Variants in RASSF5 observed in about 807,000 individuals in gnomAD.
The protein encoded by RASSF5 is Ras association domain family member 5.
In RASSF5, 25 loss-of-function variants were observed where a neutral mutation model predicts 40.5. The ratio of observed to expected loss-of-function variants is 0.62; its 90% confidence interval spans 0.45 to 0.86. The LOEUF is 0.86. Among genes scored for constraint, RASSF5 ranks in the 40% least tolerant of loss-of-function variants. The pLI is 0.00. For missense variants in RASSF5, 521 were observed against 572.8 expected (o/e 0.91, Z 0.92); for synonymous variants, 246 against 252.4 (o/e 0.97, Z 0.24).
At chr1:206,514,537 C>A (rs1318826781) in intron 1 of RASSF5, among the ~76,000 whole-genome samples, 1 of 152,206 alleles carries the variant, frequency 6.6e-6, no homozygotes, top group Non-Finnish European at 1.5e-5. Context: ...ACCTTCTGCT[C>A]CCCATTCCTG....
intron 2 of RASSF5, 57 bp from the exon 3 acceptor site, chr1:206,583,211 TC>T: frequency 1.7e-6 from 2 of 1,172,934 alleles, no homozygotes; most frequent in South Asian, 2.4e-5. Flanking sequence ...GCGTGGTTGT[TC>T]CCTTTCTCAC....
At chr1:206,514,212 T>C (rs1666692779) in intron 1 of RASSF5, among the ~76,000 whole-genome samples, 1 of 152,224 alleles carries the variant, frequency 6.6e-6, no homozygotes, top group African/African-American at 2.4e-5. Context: ...CCTCCTGGCA[T>C]CATAGCATGT....
At position 206,584,255 on chromosome 1, in the gene RASSF5, C is replaced by A. The variant is rs782815075; in HGVS notation, c.691-132C>A. On this transcript the variant is annotated intron_variant, in intron 3 of 5. Coordinates refer to ENST00000579436, the MANE Select transcript of RASSF5 (RefSeq NM_182663.4). The surrounding 1 kb of genome is among the most constrained non-coding windows in gnomAD (Gnocchi z 4.9). ...GGGATCTCTGCTCCTTCCTCCAGCT[C>A]TCCCACGTCAGCAGAGGCAGGAAAG... The A allele has an allele frequency of 5.9e-6, 5 of 843,838 alleles. No homozygotes were observed. The highest frequency in any genetic ancestry group is 9.1e-6 in the Non-Finnish European group (5 of 549,302). 52.3% of individuals were successfully genotyped at this position (843,838 alleles called of 1,614,324 possible). A position where few individuals can be genotyped will look rare whatever the true frequency, so the allele number is the denominator to read the frequency against.
chr1:206,586,738 G>A (rs1409292695), intron 5 of RASSF5, 88 bp from the exon 6 acceptor site: 1 of 994,028 alleles, frequency 1.0e-6, no homozygotes, highest in African/African-American at 1.6e-5. Flanking sequence ...ACTGGGAAGG[G>A]GAAGGCAGCA....
At chr1:206,546,089 ATTTTT>A (rs10603701) in intron 2 of RASSF5, among the ~76,000 whole-genome samples, 2 of 48,236 alleles carry the variant, frequency 4.1e-5, no homozygotes, top group Non-Finnish European at 3.7e-5. Flanking sequence ...TTCTTTTTCT[ATTTTT>A]TTTTTTTTTT....
chr1:206,520,206 G>A (rs1666869083), intron 1 of RASSF5, among the ~76,000 whole-genome samples: 1 of 152,212 alleles, frequency 6.6e-6, no homozygotes, highest in South Asian at 2.1e-4. Context: ...GGAGAAGACA[G>A]GATGCTCAAG....
chr1:206,557,609 C>T (rs1668026783), intron 2 of RASSF5: 1 of 1,614,094 alleles, frequency 6.2e-7, no homozygotes, highest in Admixed American at 1.7e-5. Flanking sequence ...GTGGGTACTG[C>T]AGCCTGGACG....
chr1:206,567,654 A>T (rs573533828), intron 2 of RASSF5, among the ~76,000 whole-genome samples: 1 of 152,274 alleles, frequency 6.6e-6, no homozygotes, highest in East Asian at 1.9e-4. Context: ...TGGGGATGGT[A>T]AAGGCCATTT....
At chr1:206,557,700 A>G (rs781799398) in intron 2 of RASSF5, 3 of 1,613,930 alleles carry the variant, frequency 1.9e-6, no homozygotes, top group Non-Finnish European at 2.5e-6. Context: ...AAAGGTAAAC[A>G]TAATAATGGA....
chr1:206,516,749 G>A (rs141445997), intron 1 of RASSF5, among the ~76,000 whole-genome samples: 2 of 152,294 alleles, frequency 1.3e-5, no homozygotes, highest in Non-Finnish European at 2.9e-5. Flanking sequence ...CAGCCACCAC[G>A]CCTGGCCGTG....
In RASSF5 at chr1:206,575,039, T is replaced by TGTTTTTG. The variant is rs71570016; in HGVS notation, c.580-8230_580-8229insGTTTTTG. 5.4e-3 allele frequency among the ~76,000 whole-genome samples: 810 copies of TGTTTTTG among 151,378 alleles called. 10 individuals carry two copies. Among genetic ancestry groups the TGTTTTTG allele is most frequent in the African/African-American group, 0.018 (754 of 41,244 alleles). On this transcript the variant is annotated intron_variant, in intron 2 of 5. Transcript: ENST00000579436. ...ATTTTTTTGTTTTTGTTTTTGTTTT[T>TGTTTTTG]TTTTTTAGAAGAGACAGGGTTTCAT...
Position 206,507,961 on chromosome 1 carries a change from G to A in RASSF5, c.359G>A (p.Gly120Asp), listed in dbSNP as rs781924171. The A allele has an allele frequency of 1.3e-6, 2 of 1,534,814 alleles. No individual in the cohort carries two copies. Among genetic ancestry groups the A allele is most frequent in the South Asian group, 2.4e-5 (2 of 82,776 alleles). ...PQDPRVPAER[G>D]EGHCFAELVL... is the part of the protein sequence containing the mutation. ...GATCCCAGAGTCCCGGCGGAGCGAGGCGAGGGGCACTGCTTCGCCGAGTTG... is the reference window on the plus strand; with the variant it reads ...GATCCCAGAGTCCCGGCGGAGCGAGACGAGGGGCACTGCTTCGCCGAGTTG... Residue 120 changes from glycine (G) to aspartate (D), a missense_variant, in exon 1 of 6, where the codon GGC becomes GAC. Coordinates refer to ENST00000579436, the MANE Select transcript of RASSF5 (RefSeq NM_182663.4).
At chr1:206,557,398 C>T (rs1668019125) in intron 2 of RASSF5, 2 of 1,368,900 alleles carry the variant, frequency 1.5e-6, no homozygotes, top group East Asian at 2.9e-5. Flanking sequence ...CTGAAAGAAA[C>T]GCAGGCGGCC....
intron 1 of RASSF5, among the ~76,000 whole-genome samples, chr1:206,510,855 GTGCTA>G (rs1213419706): frequency 3.3e-5 from 5 of 152,130 alleles, no homozygotes; most frequent in Admixed American, 2.6e-4. Context: ...TGGCTTGTTT[GTGCTA>G]TTAAATATCC....
At chr1:206,534,325 T>C (rs1553398352) in intron 1 of RASSF5, among the ~76,000 whole-genome samples, 2 of 152,074 alleles carry the variant, frequency 1.3e-5, no homozygotes, top group African/African-American at 4.8e-5. Flanking sequence ...CCCCTAGCAA[T>C]AGGGATAGGG....
intron 2 of RASSF5, among the ~76,000 whole-genome samples, chr1:206,578,445 G>A (rs1668741122): frequency 6.6e-6 from 1 of 152,060 alleles, no homozygotes; most frequent in Non-Finnish European, 1.5e-5. Context: ...AATAGTGCAC[G>A]GTACATATTA....
At chr1:206,523,690 A>G (rs1443754270) in intron 1 of RASSF5, among the ~76,000 whole-genome samples, 1 of 85,564 alleles carries the variant, frequency 1.2e-5, no homozygotes, top group African/African-American at 5.0e-5. Flanking sequence ...TAAATATATT[A>G]TATATAATAT....
At chr1:206,575,129 G>A (rs1163651639) in intron 2 of RASSF5, among the ~76,000 whole-genome samples, 1 of 152,082 alleles carries the variant, frequency 6.6e-6, no homozygotes, top group African/African-American at 2.4e-5. Context: ...ACATTGAGCA[G>A]GGTATTTCAA....
chr1:206,562,119 G>A (rs1218911617), intron 2 of RASSF5, among the ~76,000 whole-genome samples: 1 of 152,048 alleles, frequency 6.6e-6, no homozygotes, highest in African/African-American at 2.4e-5. Context: ...ATCCTACACT[G>A]CTCCCTGTTC....
Sources: allele counts gnomAD v4.1 joint callset (sites outside exome capture counted in the v4.1 genomes callset), GRCh38; gene constraint gnomAD v4.1.1; non-coding constraint Gnocchi (gnomAD v3.1); transcripts MANE v1.5; gene names NCBI Gene and HGNC (gene_info 2026-07-23, HGNC 2026-07-21).